KCNQ3: variants seen among roughly 807,000 people sequenced by gnomAD.
KCNQ3 encodes potassium voltage-gated channel subfamily Q member 3, also known as potassium voltage-gated channel subfamily KQT member 3.
KCNQ3 carries 30 observed loss-of-function variants against 92.5 expected under a neutral mutation model. The observed-to-expected ratio is 0.32, with a 90% CI of 0.24 to 0.44. The LOEUF is 0.44. KCNQ3 is among the 20% of genes least tolerant of loss of function. The probability of loss-of-function intolerance (pLI) is 1.00; values close to 1 mark genes in which losing one functional copy is unlikely to be tolerated. For synonymous variants in KCNQ3, 450 were observed against 468.8 expected (o/e 0.96, Z 0.52); for missense variants, 913 against 1,140.3 (o/e 0.80, Z 2.87).
intron 1 of KCNQ3, among the ~76,000 whole-genome samples, chr8:132,208,929 T>G (rs1301258846): frequency 6.6e-6 from 1 of 152,062 alleles, no homozygotes; most frequent in Admixed American, 6.5e-5. Flanking sequence ...TTGTAACTTG[T>G]ATTTGTATCA....
chr8:132,131,156 T>G (rs1161870049), intron 14 of KCNQ3, among the ~76,000 whole-genome samples: 1 of 152,188 alleles, frequency 6.6e-6, no homozygotes, highest in African/African-American at 2.4e-5. Context: ...AGAGTGGAAA[T>G]TATAAATTAA....
intron 8 of KCNQ3, among the ~76,000 whole-genome samples, chr8:132,167,838 A>G (rs1826185121): frequency 6.6e-6 from 1 of 152,218 alleles, no homozygotes; most frequent in Admixed American, 6.5e-5. Flanking sequence ...CTTGGGATGC[A>G]TACCAAATGG....
Position 132,169,763 on chromosome 8 carries a change from G to C in KCNQ3, c.1235+571C>G, listed in dbSNP as rs1228768845. Reference sequence around the variant, plus strand: ...CCTGGCTGCACAGAGGAATCACCTGGGGAGCATCAAATATACTGATGCTGC... The same window carrying C: ...CCTGGCTGCACAGAGGAATCACCTGCGGAGCATCAAATATACTGATGCTGC... On this transcript the variant is annotated intron_variant, in intron 8 of 14. Coordinates refer to ENST00000388996, the MANE Select transcript of KCNQ3 (RefSeq NM_004519.4). 2.6e-5 allele frequency among the ~76,000 whole-genome samples: 4 copies of C among 152,324 alleles called. No homozygotes were observed. In the East Asian group the frequency reaches 7.7e-4, roughly 29 times the overall value.
intron 1 of KCNQ3, among the ~76,000 whole-genome samples, chr8:132,389,702 G>A (rs1819997616): frequency 6.6e-6 from 1 of 152,188 alleles, no homozygotes; most frequent in African/African-American, 2.4e-5. Flanking sequence ...CTGGGGAAAT[G>A]CAGATTAAAG....
At chr8:132,184,637 T>C (rs1423110004) in intron 2 of KCNQ3, among the ~76,000 whole-genome samples, 6 of 152,298 alleles carry the variant, frequency 3.9e-5, no homozygotes, top group African/African-American at 1.4e-4. Context: ...TCGTTCTTTT[T>C]TCTATGTTTT....
Position 132,121,676 on chromosome 8 carries a change from G to C in KCNQ3, c.*7586C>G, listed in dbSNP as rs1824473265. 6.6e-6 allele frequency: 1 copy of C among 152,172 alleles called. No individual in the cohort carries two copies. Among genetic ancestry groups the C allele is most frequent in the Admixed American group, 6.5e-5 (1 of 15,270 alleles). The allele number at this position is 152,172 out of a possible 1,614,324, so 9.4% of individuals were successfully genotyped here. The stretch of plus-strand genomic sequence containing the variant: ...TGGCCTCCCACAGAATGTTTTTATA[G>C]ACTCACCTGTTTCTGCAGAATTTCA... On this transcript the variant is annotated 3_prime_UTR_variant, in exon 15 of 15. Coordinates refer to ENST00000388996, the MANE Select transcript of KCNQ3 (RefSeq NM_004519.4).
intron 1 of KCNQ3, among the ~76,000 whole-genome samples, chr8:132,237,191 C>A (rs1814844454): frequency 6.6e-6 from 1 of 151,984 alleles, no homozygotes; most frequent in African/African-American, 2.4e-5. Context: ...CTAATTCAAC[C>A]ACAATAACCT....
chr8:132,475,111 G>A (rs932236192), intron 1 of KCNQ3, among the ~76,000 whole-genome samples: 4 of 152,188 alleles, frequency 2.6e-5, no homozygotes, highest in Admixed American at 1.3e-4. Context: ...CTTCTGCCAC[G>A]ATTGTAGGTT....
intron 4 of KCNQ3, among the ~76,000 whole-genome samples, chr8:132,179,105 C>T (rs1826664566): frequency 6.7e-6 from 1 of 150,350 alleles, no homozygotes; most frequent in Non-Finnish European, 1.5e-5. Context: ...GATTTTTTTT[C>T]TGCCTGAGCT....
At chr8:132,205,143 T>C (rs547854394) in intron 1 of KCNQ3, among the ~76,000 whole-genome samples, 1 of 152,298 alleles carries the variant, frequency 6.6e-6, no homozygotes, top group East Asian at 1.9e-4. Context: ...ACACATTGTA[T>C]CTGAGAGCTG....
Position 132,334,567 on chromosome 8 carries a change from A to G in KCNQ3, c.386+145580T>C, listed in dbSNP as rs554974362. On this transcript the variant is annotated intron_variant, in intron 1 of 14. Transcript: ENST00000388996. The stretch of plus-strand genomic sequence containing the variant: ...TTATACTTATTTTCAGTTGCTTTCT[A>G]AAAGGACTGTACCTAAATGATCTCC... Among the ~76,000 whole-genome samples, 8 of 152,324 alleles carry G rather than the reference A, an allele frequency of 5.3e-5. No homozygotes were observed. In the East Asian group the frequency reaches 7.7e-4, roughly 15 times the overall value.
chr8:132,210,781 G>C (rs1328697206), intron 1 of KCNQ3, among the ~76,000 whole-genome samples: 2 of 152,210 alleles, frequency 1.3e-5, no homozygotes, highest in East Asian at 3.8e-4. Flanking sequence ...GCAAGATGGT[G>C]CTGTACTTTG....
chr8:132,177,282 T>A (rs1826593372), intron 4 of KCNQ3, among the ~76,000 whole-genome samples: 1 of 152,202 alleles, frequency 6.6e-6, no homozygotes, highest in Non-Finnish European at 1.5e-5. Flanking sequence ...AGTCATTTAC[T>A]TTGCAGTTAT....
chr8:132,210,934 T>A (rs552252809), intron 1 of KCNQ3, among the ~76,000 whole-genome samples: 31 of 152,308 alleles, frequency 2.0e-4, no homozygotes, highest in African/African-American at 7.2e-4. Flanking sequence ...TGGCACATAA[T>A]CACTCAATGG....
At position 132,410,245 on chromosome 8, in the gene KCNQ3, C is replaced by T. The variant is rs186528259; in HGVS notation, c.386+69902G>A. Among the ~76,000 whole-genome samples, 377 of 152,214 alleles carry T rather than the reference C, an allele frequency of 2.5e-3. 5 individuals carry two copies. The highest frequency in any genetic ancestry group is 2.5e-3 in the Non-Finnish European group (169 of 68,028). ...CAAAAATTGTTTTTTGATAACACCACTAATTCGAAAAGCATGTAAGGTAGG... is the reference window on the plus strand; with the variant it reads ...CAAAAATTGTTTTTTGATAACACCATTAATTCGAAAAGCATGTAAGGTAGG... On this transcript the variant is annotated intron_variant, in intron 1 of 14. Coordinates refer to ENST00000388996, the MANE Select transcript of KCNQ3 (RefSeq NM_004519.4).
chr8:132,154,193 GTT>G (rs869112851), intron 9 of KCNQ3, among the ~76,000 whole-genome samples: 387 of 27,414 alleles, frequency 0.014, 3 homozygotes, highest in East Asian at 0.023. Context: ...AAGGGTAAAA[GTT>G]TTTTTTTTTT....
intron 1 of KCNQ3, among the ~76,000 whole-genome samples, chr8:132,410,333 A>G (rs1334076448): frequency 2.0e-5 from 3 of 152,212 alleles, no homozygotes; most frequent in Non-Finnish European, 4.4e-5. Context: ...AGGTAAATTA[A>G]TGGGAAGAGG....
intron 1 of KCNQ3, among the ~76,000 whole-genome samples, chr8:132,216,270 C>A (rs1814026135): frequency 6.6e-6 from 1 of 152,208 alleles, no homozygotes; most frequent in African/African-American, 2.4e-5. Context: ...GTAGCCCAAA[C>A]CTCAGCGAAA....
chr8:132,438,203 G>A (rs1821445635), intron 1 of KCNQ3, among the ~76,000 whole-genome samples: 2 of 152,188 alleles, frequency 1.3e-5, no homozygotes, highest in South Asian at 4.1e-4. Flanking sequence ...ATACATTCAG[G>A]AAAATTTGCT....
Sources: allele counts gnomAD v4.1 joint callset (sites outside exome capture counted in the v4.1 genomes callset), GRCh38; gene constraint gnomAD v4.1.1; transcripts MANE v1.5; gene names NCBI Gene and HGNC (gene_info 2026-07-23, HGNC 2026-07-21).